PCDHGB1: variants seen among roughly 807,000 people sequenced by gnomAD.
The protein encoded by PCDHGB1 is protocadherin gamma-B1.
In PCDHGB1, 34 loss-of-function variants were observed where a neutral mutation model predicts 56.6. The observed-to-expected ratio is 0.60, with a 90% confidence interval of 0.46 to 0.80. The LOEUF is 0.80. Among genes scored for constraint, PCDHGB1 ranks in the 30% least tolerant of loss-of-function variants. PCDHGB1 has a pLI of 0.00. For synonymous variants in PCDHGB1, 561 were observed against 505.9 expected (o/e 1.11, Z -1.46); for missense variants, 1,278 against 1,204.6 (o/e 1.06, Z -0.90).
chr5:141,395,038 G>A lies in PCDHGB1; in HGVS notation c.2409+42369G>A, dbSNP rs762482437. On this transcript the variant is annotated intron_variant, in intron 1 of 3. Transcript: ENST00000523390. Reference sequence around the variant, plus strand: ...GGCGTGCCTGCCTCACATTTTGTGGGTGTTGAGGAGGTACAGGCTTTCCTG... The same window carrying A: ...GGCGTGCCTGCCTCACATTTTGTGGATGTTGAGGAGGTACAGGCTTTCCTG... 5.3e-5 allele frequency: 85 copies of A among 1,614,150 alleles called. 1 individual carries two copies. Among genetic ancestry groups the A allele is most frequent in the Non-Finnish European group, 7.1e-5 (84 of 1,180,034 alleles).
chr5:141,390,542 G>A, intron 1 of PCDHGB1: 1 of 511,902 alleles, frequency 2.0e-6, no homozygotes, highest in South Asian at 2.4e-5. Context: ...TAACCACAAA[G>A]TGAAAGTGTT....
intron 1 of PCDHGB1, among the ~76,000 whole-genome samples, chr5:141,451,788 A>C (rs531473040): frequency 6.6e-6 from 1 of 152,140 alleles, no homozygotes; most frequent in African/African-American, 2.4e-5. Flanking sequence ...GGCTGAGGCC[A>C]GAGAATTGCT....
At chr5:141,422,984 G>T in intron 1 of PCDHGB1, 2 of 1,614,230 alleles carry the variant, frequency 1.2e-6, no homozygotes, top group Non-Finnish European at 1.7e-6. Flanking sequence ...GCGGAACCTG[G>T]CTACCTGGTG....
At chr5:141,375,993 C>G in intron 1 of PCDHGB1, 1 of 1,613,468 alleles carries the variant, frequency 6.2e-7, no homozygotes, top group Non-Finnish European at 8.5e-7. Flanking sequence ...GACAGAGACG[C>G]GCTCAAGCAG....
intron 1 of PCDHGB1, chr5:141,374,747 C>A (rs764039295): frequency 1.9e-6 from 3 of 1,612,140 alleles, no homozygotes; most frequent in Non-Finnish European, 2.5e-6. Context: ...CGACCCTGTC[C>A]GCTCAAGCGT....
At chr5:141,394,686 G>A in intron 1 of PCDHGB1, 4 of 1,612,316 alleles carry the variant, frequency 2.5e-6, no homozygotes, top group Non-Finnish European at 3.4e-6. Context: ...GCACACGGGC[G>A]AGGTGCGCAC....
intron 1 of PCDHGB1, among the ~76,000 whole-genome samples, chr5:141,454,239 A>T (rs1221886368): frequency 6.6e-6 from 1 of 152,200 alleles, no homozygotes; most frequent in Non-Finnish European, 1.5e-5. Context: ...GATGAAAAGG[A>T]TGAAGATGTC....
At chr5:141,404,950 C>T (rs2094588760) in intron 1 of PCDHGB1, 2 of 1,613,968 alleles carry the variant, frequency 1.2e-6, no homozygotes, top group East Asian at 4.5e-5. Flanking sequence ...CCATAGCTGA[C>T]AGCATCCCAG....
In PCDHGB1 at chr5:141,431,931, C is replaced by T. The variant is rs2097430107; in HGVS notation, c.2410-62876C>T. ...ATCTGTTTCATCCAAGGAAATCTGCCCTTTAAATTAGAAAAATCTTACGGA... is the reference window on the plus strand; with the variant it reads ...ATCTGTTTCATCCAAGGAAATCTGCTCTTTAAATTAGAAAAATCTTACGGA... On this transcript the variant is annotated intron_variant, in intron 1 of 3. Transcript: ENST00000523390. This position sits in a 1 kb window ranked among gnomAD's most constrained non-coding sequence, Gnocchi z 4.8. The T allele has an allele frequency of 6.2e-7, 1 of 1,613,924 alleles. No homozygotes were observed. Among genetic ancestry groups the T allele is most frequent in the Admixed American group, 1.7e-5 (1 of 59,986 alleles).
At chr5:141,371,007 C>A in intron 1 of PCDHGB1, 1 of 1,613,962 alleles carries the variant, frequency 6.2e-7, no homozygotes, top group South Asian at 1.1e-5. Flanking sequence ...CAGGGAAGAG[C>A]AGCCACATCA....
rs767244296 is a variant in PCDHGB1 at position 141,352,186 on chromosome 5, G to A, written c.1926G>A (p.Val642=). ...CCCGCCAGCGCCTGCTGGTCGCTGT[G>A]CGTGATGGAGGACAGCCGCCACTCT... ...DAARQRLLVA[V]RDGGQPPLSA... is the part of the protein sequence containing the mutation. The change falls in exon 1 of 4, where the codon GTG becomes GTA. Residue 642 remains valine, a synonymous_variant. Coordinates refer to ENST00000523390, the MANE Select transcript of PCDHGB1 (RefSeq NM_018922.3). 3 of 1,613,870 alleles carry A rather than the reference G, an allele frequency of 1.9e-6. No homozygotes were observed. Among genetic ancestry groups the A allele is most frequent in the Non-Finnish European group, 2.5e-6 (3 of 1,179,886 alleles).
rs1768012358 is a variant in PCDHGB1 at position 141,371,760 on chromosome 5, T to G, written c.2409+19091T>G. ...CAACGTTCCCGTTTTCCACCAGGCC[T>G]CCTACACCGTGCATGTAGCTGAGAA... On this transcript the variant is annotated intron_variant, in intron 1 of 3. Coordinates refer to ENST00000523390, the MANE Select transcript of PCDHGB1 (RefSeq NM_018922.3). 3 of 1,613,860 alleles carry G rather than the reference T, an allele frequency of 1.9e-6. No individual in the cohort carries two copies. The South Asian group carries it at 3.3e-5, about 18-fold the overall frequency.
At position 141,413,783 on chromosome 5, in the gene PCDHGB1, C is replaced by T. The variant is rs1418394305; in HGVS notation, c.2409+61114C>T. 3.7e-6 allele frequency: 6 copies of T among 1,613,096 alleles called. No individual in the cohort carries two copies. Among genetic ancestry groups the T allele is most frequent in the Non-Finnish European group, 4.2e-6 (5 of 1,179,878 alleles). On this transcript the variant is annotated intron_variant, in intron 1 of 3. Coordinates refer to ENST00000523390, the MANE Select transcript of PCDHGB1 (RefSeq NM_018922.3). ...TACCCGGAGCTGGTACTGGAGCACT[C>T]CCTAGATCGCGAGGAAGAGGCCATT...
At position 141,393,422 on chromosome 5, in the gene PCDHGB1, G is replaced by C. The variant is rs552855100; in HGVS notation, c.2409+40753G>C. 12 of 1,614,042 alleles carry C rather than the reference G, an allele frequency of 7.4e-6. No individual in the cohort carries two copies. The East Asian group carries it at 2.7e-4, about 36-fold the overall frequency. On this transcript the variant is annotated intron_variant, in intron 1 of 3. Coordinates refer to ENST00000523390, the MANE Select transcript of PCDHGB1 (RefSeq NM_018922.3). ...TGCTGGAGCGCGCCCTGGACAGGGA[G>C]GAAGAGGCTGCTCACCACCTGGTCC...
chr5:141,434,784 A>C (rs967716221), intron 1 of PCDHGB1, among the ~76,000 whole-genome samples: 1 of 150,278 alleles, frequency 6.7e-6, no homozygotes, highest in African/African-American at 2.5e-5. Flanking sequence ...AAAAAAAAAA[A>C]TTTTTTTTTC....
At chr5:141,427,156 T>G (rs533425641) in intron 1 of PCDHGB1, 10 of 456,890 alleles carry the variant, frequency 2.2e-5, no homozygotes, top group African/African-American at 2.0e-4. Flanking sequence ...AATATGTTTG[T>G]GCTAGACCAT....
At chr5:141,479,328 G>C (rs568506786) in intron 1 of PCDHGB1, 3 of 152,536 alleles carry the variant, frequency 2.0e-5, no homozygotes, top group African/African-American at 7.2e-5. Context: ...CAGACTCAGT[G>C]GTGTGCACCT....
chr5:141,454,796 A>ATTTTTCT (rs2098799790), intron 1 of PCDHGB1, among the ~76,000 whole-genome samples: 1 of 77,408 alleles, frequency 1.3e-5, no homozygotes, highest in African/African-American at 5.9e-5. Context: ...CATGGTTCTA[A>ATTTTTCT]TTTTTTTTTT....
At chr5:141,385,300 A>G (rs1781097976) in intron 1 of PCDHGB1, 2 of 1,613,102 alleles carry the variant, frequency 1.2e-6, no homozygotes, top group Non-Finnish European at 8.5e-7. Flanking sequence ...TCAGGAATGT[A>G]AAGAAAACCT....
Sources: gnomAD v4.1 joint callset for allele counts (sites outside exome capture counted in the v4.1 genomes callset) on GRCh38, gnomAD v4.1.1 for gene constraint, Gnocchi (gnomAD v3.1) non-coding constraint, MANE v1.5 for transcripts, NCBI Gene and HGNC (gene_info 2026-07-23, HGNC 2026-07-21) for gene names.